Variants in CDK19 observed in about 807,000 individuals in gnomAD.
CDK19 encodes the protein cyclin dependent kinase 19.
Under a neutral mutation model 68.3 loss-of-function variants are expected in CDK19, and 20 were observed. The observed-to-expected ratio is 0.29, with a 90% CI of 0.21 to 0.43. CDK19 has a LOEUF of 0.43. Ranked by LOEUF, CDK19 falls within the 20% of genes least tolerant of loss-of-function variation. The pLI, the probability that CDK19 is intolerant of heterozygous loss-of-function variation, is 1.00. For synonymous variants in CDK19, 221 were observed against 222.8 expected, an observed-to-expected ratio of 0.99 and a Z score of 0.07; for missense variants, 339 against 623.5, an observed-to-expected ratio of 0.54 and a Z score of 4.86.
At chr6:110,750,761 T>C (rs913756324) in intron 1 of CDK19, among the ~76,000 whole-genome samples, 4 of 152,112 alleles carry the variant, frequency 2.6e-5, no homozygotes, top group East Asian at 3.9e-4. Context: ...AAGTAGCACA[T>C]AGATAAGAAG....
chr6:110,669,253 G>A (rs929951240), intron 3 of CDK19, among the ~76,000 whole-genome samples: 1 of 152,212 alleles, frequency 6.6e-6, no homozygotes, highest in South Asian at 2.1e-4. Context: ...TTTAAGACCT[G>A]AGTCTGTTAA....
intron 5 of CDK19, among the ~76,000 whole-genome samples, chr6:110,637,706 G>A (rs961488366): frequency 6.6e-5 from 10 of 152,204 alleles, no homozygotes; most frequent in South Asian, 2.1e-4. Context: ...TAGGCCTAGC[G>A]TGGTGGCTCA....
chr6:110,699,585 G>C (rs977059080), intron 2 of CDK19, among the ~76,000 whole-genome samples: 4 of 151,834 alleles, frequency 2.6e-5, no homozygotes, highest in Admixed American at 1.3e-4. Flanking sequence ...AAGAAGGGAG[G>C]GTGGGAGGAG....
At chr6:110,645,233 T>G (rs1420557967) in intron 4 of CDK19, among the ~76,000 whole-genome samples, 3 of 152,216 alleles carry the variant, frequency 2.0e-5, no homozygotes, top group Non-Finnish European at 4.4e-5. Context: ...TCAAGAAATT[T>G]TTTATCAAAC....
rs1781485125 is a variant in CDK19 at position 110,790,047 on chromosome 6, T to A, written c.128+24962A>T. Among the ~76,000 whole-genome samples, 3 of 152,314 alleles carry A rather than the reference T, an allele frequency of 2.0e-5. No homozygotes were observed. The South Asian group carries it at 6.2e-4, about 32-fold the overall frequency. On this transcript the variant is annotated intron_variant, in intron 1 of 12. Transcript: ENST00000368911. ...GTTAGAAAAACCAATATATAGCTATTCATGTACTCAGCACCAATATATCAG... is the reference window on the plus strand; with the variant it reads ...GTTAGAAAAACCAATATATAGCTATACATGTACTCAGCACCAATATATCAG...
intron 1 of CDK19, among the ~76,000 whole-genome samples, chr6:110,761,761 T>C (rs1236468548): frequency 6.6e-6 from 1 of 152,134 alleles, no homozygotes; most frequent in Non-Finnish European, 1.5e-5. Flanking sequence ...TACCAATTAT[T>C]TTACTTTACT....
At chr6:110,641,282 AAGAC>A (rs1380826416) in intron 4 of CDK19, among the ~76,000 whole-genome samples, 2 of 152,174 alleles carry the variant, frequency 1.3e-5, no homozygotes, top group Non-Finnish European at 2.9e-5. Context: ...CCAGGAGGAA[AAGAC>A]AGACAGCTTT....
rs1780594928 is a variant in CDK19, at chr6:110,646,551, C to T, written c.457-7845G>A. ...CTCCACCTGCAACAGGTGCTTAAGT[C>T]GTGCTGAGTACGGCCACCTGCAGGG... On this transcript the variant is annotated intron_variant, in intron 4 of 12. Coordinates refer to ENST00000368911, the MANE Select transcript of CDK19 (RefSeq NM_015076.5). 6 of 1,121,932 alleles carry T rather than the reference C, an allele frequency of 5.3e-6. No homozygotes were observed. In the Admixed American group the frequency reaches 1.8e-4, roughly 34 times the overall value. The allele number at this position is 1,121,932 out of a possible 1,614,324, so 69.5% of individuals were successfully genotyped here. A position where few individuals can be genotyped will look rare whatever the true frequency, so the allele number is the denominator to read the frequency against.
At chr6:110,757,972 C>T (rs745941651) in intron 1 of CDK19, among the ~76,000 whole-genome samples, 2 of 152,094 alleles carry the variant, frequency 1.3e-5, no homozygotes, top group African/African-American at 4.8e-5. Context: ...GGGTGAATTG[C>T]TTGAGGCCAG....
At chr6:110,662,458 G>A (rs1275576170) in intron 4 of CDK19, among the ~76,000 whole-genome samples, 2 of 152,060 alleles carry the variant, frequency 1.3e-5, no homozygotes, top group African/African-American at 4.8e-5. Flanking sequence ...AAATGAAGGA[G>A]TCATAAATCC....
intron 2 of CDK19, among the ~76,000 whole-genome samples, chr6:110,696,300 C>G (rs950152888): frequency 6.6e-6 from 1 of 152,106 alleles, no homozygotes; most frequent in Non-Finnish European, 1.5e-5. Flanking sequence ...TCCAGTATCC[C>G]TTTAGGATTA....
At chr6:110,638,581 A>G in intron 5 of CDK19, 68 bp downstream of exon 5, 1 of 812,448 alleles carries the variant, frequency 1.2e-6, no homozygotes, top group Non-Finnish European at 2.1e-6. Flanking sequence ...TAAGGGCATT[A>G]AAAAGGGAAA....
chr6:110,671,165 A>G (rs1770982906), intron 2 of CDK19, among the ~76,000 whole-genome samples: 1 of 152,150 alleles, frequency 6.6e-6, no homozygotes. Context: ...TAAACAGAAA[A>G]AAAGAAATAG....
intron 1 of CDK19, among the ~76,000 whole-genome samples, chr6:110,787,166 A>G (rs1372896771): frequency 6.6e-6 from 1 of 152,114 alleles, no homozygotes; most frequent in East Asian, 1.9e-4. Context: ...TGAAGTCAGG[A>G]GTTCGAGACC....
In CDK19 at chr6:110,613,997, T is replaced by TA. The variant is rs1430919815; in HGVS notation, c.*537dup. 2 of 152,684 alleles carry TA rather than the reference T, an allele frequency of 1.3e-5. No individual in the cohort carries two copies. The highest frequency in any genetic ancestry group is 2.9e-5 in the Non-Finnish European group (2 of 68,062). The allele number at this position is 152,684 out of a possible 1,614,324, so 9.5% of individuals were successfully genotyped here. On this transcript the variant is annotated 3_prime_UTR_variant, in exon 13 of 13. Coordinates refer to ENST00000368911, the MANE Select transcript of CDK19 (RefSeq NM_015076.5). ...AACTAGATAAATACGAACGTAATAG[T>TA]AAAGTACTTTGGGACAGTAACAGTT...
intron 5 of CDK19, among the ~76,000 whole-genome samples, chr6:110,634,240 G>A (rs1779617100): frequency 6.6e-6 from 1 of 152,022 alleles, no homozygotes; most frequent in Non-Finnish European, 1.5e-5. Flanking sequence ...GTTTTGAGAT[G>A]GAGTCTCGCT....
chr6:110,774,835 G>C (rs995710406), intron 1 of CDK19, among the ~76,000 whole-genome samples: 2 of 152,178 alleles, frequency 1.3e-5, no homozygotes, highest in African/African-American at 4.8e-5. Context: ...TGTAGTCCCA[G>C]CTACTTGGGA....
intron 5 of CDK19, among the ~76,000 whole-genome samples, chr6:110,632,774 G>A (rs1779520933): frequency 6.6e-6 from 1 of 152,146 alleles, no homozygotes. Context: ...AGGTCACACA[G>A]CTAGTAAGTG....
intron 1 of CDK19, among the ~76,000 whole-genome samples, chr6:110,805,122 T>C (rs1276947740): frequency 1.5e-4 from 23 of 152,186 alleles, no homozygotes; most frequent in Admixed American, 1.3e-3. Flanking sequence ...TCTTTTATCC[T>C]GTACAGTGCA....
Sources: allele counts gnomAD v4.1 joint callset (sites outside exome capture counted in the v4.1 genomes callset), GRCh38; gene constraint gnomAD v4.1.1; transcripts MANE v1.5; gene names NCBI Gene and HGNC (gene_info 2026-07-23, HGNC 2026-07-21).